Variants in UBAP2L observed in about 807,000 individuals in gnomAD.
UBAP2L encodes the protein ubiquitin associated protein 2 like, also known as ubiquitin-associated protein 2-like.
Under a neutral mutation model 130.6 loss-of-function variants are expected in UBAP2L, and 12 were observed. The observed-to-expected ratio is 0.09, with a 90% CI of 0.06 to 0.15. The LOEUF is 0.15. UBAP2L is among the 10% of genes least tolerant of loss of function. UBAP2L has a pLI of 1.00. For missense variants in UBAP2L, 965 were observed against 1,332.5 expected, an observed-to-expected ratio of 0.72 and a Z score of 4.29; for synonymous variants, 503 against 524.7, an observed-to-expected ratio of 0.96 and a Z score of 0.57.
Position 154,246,267 on chromosome 1 carries a change from G to A in UBAP2L, c.906G>A (p.Leu302=), listed in dbSNP as rs773021216. ...PSTMENDSSN[L]DPSQAPSLAQ... ...CAATGGAGAATGATTCATCTAATCT[G>A]GATCCGTCTCAGGCTCCTTCTCTGG... Residue 302 remains leucine, a synonymous_variant, in exon 11 of 27, where the codon CTG becomes CTA. Coordinates refer to ENST00000428931, the MANE Select transcript of UBAP2L (RefSeq NM_014847.4). 4 of 1,613,800 alleles carry A rather than the reference G, an allele frequency of 2.5e-6. No individual in the cohort carries two copies. The East Asian group carries it at 8.9e-5, about 36-fold the overall frequency.
intron 4 of UBAP2L, among the ~76,000 whole-genome samples, chr1:154,229,845 C>G (rs967147004): frequency 3.3e-5 from 5 of 152,160 alleles, no homozygotes; most frequent in African/African-American, 1.2e-4. Flanking sequence ...AAAATTCATC[C>G]TTACAGATAA....
rs1243147403 is a variant in UBAP2L, at chr1:154,257,444, A to G, written c.2442+10A>G. Reference sequence around the variant, plus strand: ...GTTACATGCCTACCCGGTAAGTGGGACTAAAGGATCTTCTTCAAAAGGTGA... The same window carrying G: ...GTTACATGCCTACCCGGTAAGTGGGGCTAAAGGATCTTCTTCAAAAGGTGA... On this transcript the variant is annotated intron_variant, in intron 20 of 26. Coordinates refer to ENST00000428931, the MANE Select transcript of UBAP2L (RefSeq NM_014847.4). 6.2e-7 allele frequency: 1 copy of G among 1,612,186 alleles called. No individual in the cohort carries two copies. Among genetic ancestry groups the G allele is most frequent in the Non-Finnish European group, 8.5e-7 (1 of 1,179,826 alleles).
At chr1:154,239,374 T>G (rs1672748014) in intron 8 of UBAP2L, among the ~76,000 whole-genome samples, 1 of 152,226 alleles carries the variant, frequency 6.6e-6, no homozygotes, top group Non-Finnish European at 1.5e-5. Flanking sequence ...TTTTGTAGAT[T>G]TTTATGAGCT....
In UBAP2L at chr1:154,229,105, T is replaced by TTTTTATTTTA. The variant is rs57728113; in HGVS notation, c.279+394_279+403dup. Among the ~76,000 whole-genome samples, 659 of 151,832 alleles carry TTTTTATTTTA rather than the reference T, an allele frequency of 4.3e-3. 8 individuals carry two copies. The highest frequency in any genetic ancestry group is 0.015 in the African/African-American group (624 of 41,190). ...CTATACTTGATTCTGTTTTTTTTTC[T>TTTTTATTTTA]TTTTATTTTATTTTATTTTATTTAT... On this transcript the variant is annotated intron_variant, in intron 4 of 26. Transcript: ENST00000428931.
At chr1:154,229,136 A>G (rs1384936130) in intron 4 of UBAP2L, among the ~76,000 whole-genome samples, 1 of 148,700 alleles carries the variant, frequency 6.7e-6, no homozygotes, top group Non-Finnish European at 1.5e-5. Context: ...TTTATTTTAC[A>G]TATTTGATTC....
intron 6 of UBAP2L, 117 bp downstream of exon 6, chr1:154,235,408 A>C: frequency 3.3e-6 from 2 of 600,354 alleles, no homozygotes; most frequent in Non-Finnish European, 6.0e-6. Context: ...GCCGGAGTGC[A>C]GTGGCACAGT....
chr1:154,257,243 G>C lies in UBAP2L; in HGVS notation c.2338G>C (p.Val780Leu). Residue 780 changes from valine (V) to leucine (L), a missense_variant, in exon 19 of 27, where the codon GTT becomes CTT. Around this residue, in one of 9 missense-constraint regions of UBAP2L, gnomAD observed 393 missense variants for 408.1 expected, o/e 0.96. Coordinates refer to ENST00000428931, the MANE Select transcript of UBAP2L (RefSeq NM_014847.4). ...TGTCACAGCCTCGACTCGAAGCTCA[G>C]TTGCTACGACTTCAGGTAGCCTTGC... is the stretch of plus-strand genomic sequence containing the variant. ...STVTASTRSS[V>L]ATTSGKAPPN... is the part of the protein sequence containing the mutation. 2 of 1,614,230 alleles carry C rather than the reference G, an allele frequency of 1.2e-6. No homozygotes were observed. The highest frequency in any genetic ancestry group is 1.7e-6 in the Non-Finnish European group (2 of 1,180,030).
chr1:154,224,650 T>C (rs11265310), intron 1 of UBAP2L, among the ~76,000 whole-genome samples: 10,250 of 152,274 alleles, frequency 0.067, 413 homozygotes, highest in South Asian at 0.17. Context: ...TCTTAGGTGA[T>C]TGAATACAGT....
chr1:154,253,479 G>A (rs750855157), intron 14 of UBAP2L, among the ~76,000 whole-genome samples: 24 of 144,430 alleles, frequency 1.7e-4, no homozygotes, highest in Non-Finnish European at 3.4e-4. Flanking sequence ...GCGCCTCCCG[G>A]GTTCATGCCA....
intron 18 of UBAP2L, 128 bp from the exon 19 acceptor site, chr1:154,256,935 C>T (rs1268279523): frequency 5.6e-6 from 6 of 1,064,500 alleles, no homozygotes; most frequent in Non-Finnish European, 8.0e-6. Context: ...GGTACCTTGC[C>T]TACTTGGCCT....
intron 4 of UBAP2L, among the ~76,000 whole-genome samples, chr1:154,230,259 G>A (rs4240871): frequency 0.45 from 69,039 of 151,940 alleles, 15,992 homozygotes; most frequent in South Asian, 0.64. Context: ...CTCCTGCCTC[G>A]GCCTTCCAAA....
intron 8 of UBAP2L, among the ~76,000 whole-genome samples, chr1:154,240,722 AC>A (rs1558155933): frequency 6.6e-6 from 1 of 151,832 alleles, no homozygotes; most frequent in Non-Finnish European, 1.5e-5. Context: ...CTGCTCTTTC[AC>A]TAACCATTAT....
intron 4 of UBAP2L, among the ~76,000 whole-genome samples, chr1:154,233,651 CTGTGTGTG>C (rs61695071): frequency 3.4e-5 from 5 of 146,176 alleles, no homozygotes; most frequent in Admixed American, 1.4e-4. Flanking sequence ...AATGAAATTG[CTGTGTGTG>C]TGTGTGTGTG....
At chr1:154,261,907 C>T (rs527870337) in intron 24 of UBAP2L, among the ~76,000 whole-genome samples, 4 of 152,256 alleles carry the variant, frequency 2.6e-5, no homozygotes, top group South Asian at 2.1e-4. Flanking sequence ...CTATTTGTGA[C>T]GGGAATGCCC....
At chr1:154,257,282 A>G (rs372550905) in intron 19 of UBAP2L, 24 bp downstream of exon 19, 155 of 1,614,058 alleles carry the variant, frequency 9.6e-5, no homozygotes, top group Non-Finnish European at 1.3e-4. Flanking sequence ...AGCAGATGGC[A>G]TTCCTCTGGG....
intron 8 of UBAP2L, among the ~76,000 whole-genome samples, chr1:154,241,213 C>G (rs935343489): frequency 1.7e-4 from 26 of 152,010 alleles, no homozygotes; most frequent in African/African-American, 6.0e-4. Context: ...CTCAGCCTCC[C>G]GCGTAGCTGG....
chr1:154,223,120 G>A (rs1666829463), intron 1 of UBAP2L, among the ~76,000 whole-genome samples: 1 of 84,374 alleles, frequency 1.2e-5, no homozygotes, highest in East Asian at 2.3e-3. Flanking sequence ...ACTACTAGGT[G>A]GTAAAAATTT....
chr1:154,254,678 T>C, intron 15 of UBAP2L, 158 bp from the exon 16 acceptor site: 1 of 799,462 alleles, frequency 1.3e-6, no homozygotes, highest in Non-Finnish European at 1.9e-6. Context: ...TTTGGTTTTT[T>C]GGATAGTCTA....
At chr1:154,263,021 C>T (rs1682082956) in intron 24 of UBAP2L, 1 of 1,342,374 alleles carries the variant, frequency 7.4e-7, no homozygotes, top group African/African-American at 1.5e-5. Context: ...TTATATCAGC[C>T]CTTGAGAACC....
Sources: allele counts gnomAD v4.1 joint callset (sites outside exome capture counted in the v4.1 genomes callset), GRCh38; gene constraint gnomAD v4.1.1; regional missense constraint gnomAD v4.1.1; transcripts MANE v1.5; gene names NCBI Gene and HGNC (gene_info 2026-07-23, HGNC 2026-07-21).